RPH3AL: variants seen among roughly 807,000 people sequenced by gnomAD.
The protein encoded by RPH3AL is rabphilin 3A like (without C2 domains).
RPH3AL carries 38 observed loss-of-function variants against 43.1 expected under a neutral mutation model. The observed-to-expected ratio is 0.88, with a 90% confidence interval of 0.68 to 1.15. The LOEUF (loss-of-function observed/expected upper bound fraction) is 1.15, where lower values mean the gene tolerates loss of function less well. RPH3AL is among the 50% of genes most tolerant of loss of function. RPH3AL has a pLI of 0.00. For synonymous variants in RPH3AL, 189 were observed against 176.3 expected (o/e 1.07, Z -0.57); for missense variants, 462 against 423.2 (o/e 1.09, Z -0.81).
At chr17:301,698 CA>C (rs1199283086) in intron 5 of RPH3AL, among the ~76,000 whole-genome samples, 2 of 152,148 alleles carry the variant, frequency 1.3e-5, no homozygotes, top group African/African-American at 4.8e-5. Flanking sequence ...CTCGGCCTCC[CA>C]AAGTCCTGGA....
At chr17:317,488 C>A (rs1470342506) in intron 5 of RPH3AL, among the ~76,000 whole-genome samples, 1 of 150,134 alleles carries the variant, frequency 6.7e-6, no homozygotes, top group East Asian at 1.9e-4. Flanking sequence ...TGCTCCACAC[C>A]TCCATTGACC....
chr17:300,707 A>C (rs1307619261), intron 5 of RPH3AL, among the ~76,000 whole-genome samples: 1 of 138,496 alleles, frequency 7.2e-6, no homozygotes, highest in African/African-American at 2.8e-5. Flanking sequence ...GGCCCAGCCT[A>C]GACCTGCAGA....
chr17:351,281 T>C (rs1219459727), intron 1 of RPH3AL, among the ~76,000 whole-genome samples: 4 of 152,124 alleles, frequency 2.6e-5, no homozygotes, highest in Non-Finnish European at 4.4e-5. Flanking sequence ...AGTCCTGGTA[T>C]CCACTACACA....
chr17:347,164 A>G lies in RPH3AL; in HGVS notation c.-213+5548T>C, dbSNP rs1470485166. Among the ~76,000 whole-genome samples, 3 of 115,758 alleles carry G rather than the reference A, an allele frequency of 2.6e-5. 1 individual carries two copies. Among genetic ancestry groups the G allele is most frequent in the Non-Finnish European group, 6.1e-5 (3 of 49,486 alleles). 75.9% of individuals were successfully genotyped at this position (115,758 alleles called of 152,430 possible). On this transcript the variant is annotated intron_variant, in intron 1 of 9. Coordinates refer to ENST00000331302, the MANE Select transcript of RPH3AL (RefSeq NM_006987.4). ...TCCCAGCTATTCAGGAGGCTGAGGCAGGAGAATGGCGTGAACCCGGGAGGC... is the reference window on the plus strand; with the variant it reads ...TCCCAGCTATTCAGGAGGCTGAGGCGGGAGAATGGCGTGAACCCGGGAGGC...
chr17:226,182 C>T (rs1364002131), intron 7 of RPH3AL, among the ~76,000 whole-genome samples: 1 of 152,230 alleles, frequency 6.6e-6, no homozygotes, highest in African/African-American at 2.4e-5. Context: ...GTTACAGTCA[C>T]CTTGTTCTTC....
At chr17:263,242 A>G (rs1555546914) in intron 6 of RPH3AL, among the ~76,000 whole-genome samples, 1 of 152,228 alleles carries the variant, frequency 6.6e-6, no homozygotes, top group Non-Finnish European at 1.5e-5. Context: ...ACCAAAGCTG[A>G]CGGAAGAAGA....
At chr17:286,913 T>TCTCTCTCCACCATCAGACCTCACCCC (rs1555557623) in intron 5 of RPH3AL, among the ~76,000 whole-genome samples, 1 of 92,222 alleles carries the variant, frequency 1.1e-5, no homozygotes, top group African/African-American at 3.9e-5. Context: ...CCTCGCACCC[T>TCTCTCTCCACCATCAGACCTCACCCC]CTCTCTCCAC....
At chr17:319,302 G>A in intron 5 of RPH3AL, 118 bp downstream of exon 5, 2 of 1,237,424 alleles carry the variant, frequency 1.6e-6, no homozygotes, top group Non-Finnish European at 2.2e-6. Flanking sequence ...AGATGCAGAG[G>A]ATACCACATG....
rs201484999 is a variant in RPH3AL at position 215,655 on chromosome 17, G to T, written c.875C>A (p.Pro292Gln). ...GPRPGLTRRA[P>Q]VKDTPGRAPA... ...AGAAGGCAGCAGTTGGGTACTCACC[G>T]GGGCCCTTCGGGTCAGCCCGGGGCG... The change falls in exon 9 of 10, where the codon CCG becomes CAG. Residue 292 changes from proline (P) to glutamine (Q), a missense_variant and splice_region_variant. Pro to Gln is a moderately conservative substitution (Grantham distance 76). Transcript: ENST00000331302. The surrounding 1 kb of genome is among the most constrained non-coding windows in gnomAD (Gnocchi z 4.1). 4 of 1,278,410 alleles carry T rather than the reference G, an allele frequency of 3.1e-6. No homozygotes were observed. The African/African-American group carries it at 4.6e-5, about 15-fold the overall frequency. The allele number at this position is 1,278,410 out of a possible 1,614,324, so 79.2% of individuals were successfully genotyped here. A position where few individuals can be genotyped will look rare whatever the true frequency, so the allele number is the denominator to read the frequency against.
chr17:314,227 A>G (rs1047599210), intron 5 of RPH3AL, among the ~76,000 whole-genome samples: 13 of 152,174 alleles, frequency 8.5e-5, no homozygotes, highest in African/African-American at 2.9e-4. Flanking sequence ...ATGGTCCCCT[A>G]TAGCTGGAAT....
intron 5 of RPH3AL, among the ~76,000 whole-genome samples, chr17:296,458 G>A (rs567718115): frequency 1.1e-4 from 17 of 152,206 alleles, no homozygotes; most frequent in African/African-American, 2.2e-4. Flanking sequence ...AACGGGCAGA[G>A]GGAATGCACA....
chr17:294,415 C>T (rs996252457), intron 5 of RPH3AL, among the ~76,000 whole-genome samples: 5 of 152,242 alleles, frequency 3.3e-5, no homozygotes, highest in Admixed American at 6.5e-5. Flanking sequence ...GATTGCACCA[C>T]AGCACTGCAG....
At chr17:259,244 G>A (rs2042144076) in intron 6 of RPH3AL, among the ~76,000 whole-genome samples, 1 of 152,224 alleles carries the variant, frequency 6.6e-6, no homozygotes, top group South Asian at 2.1e-4. Flanking sequence ...GGGGACCACA[G>A]CACACAGGTG....
At chr17:317,048 T>C (rs199852045) in intron 5 of RPH3AL, among the ~76,000 whole-genome samples, 104 of 20,680 alleles carry the variant, frequency 5.0e-3, no homozygotes, top group Middle Eastern at 0.1. Flanking sequence ...ACCTGTAGTC[T>C]CTGTGCCCCA....
intron 5 of RPH3AL, among the ~76,000 whole-genome samples, chr17:301,527 A>C (rs975105189): frequency 6.6e-6 from 1 of 151,644 alleles, no homozygotes; most frequent in African/African-American, 2.4e-5. Context: ...CTGGTCTCAA[A>C]CTCCTGGGCT....
rs2041717718 is a variant in RPH3AL, at chr17:245,093, G to A, written c.613+2018C>T. 1.3e-5 allele frequency among the ~76,000 whole-genome samples: 2 copies of A among 151,712 alleles called. No homozygotes were observed. The highest frequency in any genetic ancestry group is 4.8e-5 in the African/African-American group (2 of 41,300). ...CATAAATGTGCATGCGCAAGTGTGTGTAGACGTGTGTGTACATGTGGATGT... is the reference window on the plus strand; with the variant it reads ...CATAAATGTGCATGCGCAAGTGTGTATAGACGTGTGTGTACATGTGGATGT... On this transcript the variant is annotated intron_variant, in intron 7 of 9. Coordinates refer to ENST00000331302, the MANE Select transcript of RPH3AL (RefSeq NM_006987.4). The surrounding 1 kb of genome is among the most constrained non-coding windows in gnomAD (Gnocchi z 5.9).
In RPH3AL at chr17:273,013, G is replaced by T. The variant is rs1228869690; in HGVS notation, c.438+8755C>A. ...GTCAGGGTGAGACCCCAGCGAGGGCGACATCAGGAAGAGACCCCAGCGAGG... is the reference window on the plus strand; with the variant it reads ...GTCAGGGTGAGACCCCAGCGAGGGCTACATCAGGAAGAGACCCCAGCGAGG... On this transcript the variant is annotated intron_variant, in intron 6 of 9. Transcript: ENST00000331302. 9.3e-4 allele frequency among the ~76,000 whole-genome samples: 103 copies of T among 110,838 alleles called. 1 individual carries two copies. Among genetic ancestry groups the T allele is most frequent in the Middle Eastern group, 5.3e-3 (1 of 190 alleles). The allele number at this position is 110,838 out of a possible 152,430, so 72.7% of individuals were successfully genotyped here.
At chr17:329,366 C>T (rs1026344961) in intron 2 of RPH3AL, among the ~76,000 whole-genome samples, 1 of 152,122 alleles carries the variant, frequency 6.6e-6, no homozygotes, top group African/African-American at 2.4e-5. Flanking sequence ...ATCCCAGCTA[C>T]TGAGGAGGCT....
chr17:342,532 G>A (rs1475568682), intron 1 of RPH3AL, among the ~76,000 whole-genome samples: 1 of 152,170 alleles, frequency 6.6e-6, no homozygotes, highest in Non-Finnish European at 1.5e-5. Flanking sequence ...CTATAAAAAG[G>A]AATGAAGTAT....
Sources: gnomAD v4.1 joint callset for allele counts (sites outside exome capture counted in the v4.1 genomes callset) on GRCh38, gnomAD v4.1.1 for gene constraint, Gnocchi (gnomAD v3.1) non-coding constraint, MANE v1.5 for transcripts, NCBI Gene and HGNC (gene_info 2026-07-23, HGNC 2026-07-21) for gene names.